Variants in TTC7B observed in about 807,000 individuals in gnomAD.
TTC7B encodes the protein tetratricopeptide repeat protein 7B.
In TTC7B, 28 loss-of-function variants were observed where a neutral mutation model predicts 106.8. The ratio of observed to expected loss-of-function variants is 0.26; its 90% CI spans 0.19 to 0.36. The LOEUF (loss-of-function observed/expected upper bound fraction) is 0.36, where lower values mean the gene tolerates loss of function less well. Ranked by LOEUF, TTC7B falls within the 10% of genes least tolerant of loss-of-function variation. TTC7B has a pLI of 1.00. For synonymous variants in TTC7B, 405 were observed against 430.6 expected (o/e 0.94, Z 0.74); for missense variants, 862 against 1,076.4 (o/e 0.80, Z 2.79).
At position 90,603,175 on chromosome 14, in the gene TTC7B, C is replaced by A. The variant is rs534163949; in HGVS notation, c.1966+7567G>T. Reference sequence around the variant, plus strand: ...CTCAGCATTCTCAGCACTCAACAACCACAATGCACATTCCGTGGTGGGGGG... The same window carrying A: ...CTCAGCATTCTCAGCACTCAACAACAACAATGCACATTCCGTGGTGGGGGG... On this transcript the variant is annotated intron_variant, in intron 17 of 19. Coordinates refer to ENST00000328459, the MANE Select transcript of TTC7B (RefSeq NM_001010854.2). The A allele has an allele frequency of 3.9e-6, 4 of 1,031,458 alleles. No individual in the cohort carries two copies. In the South Asian group the frequency reaches 4.1e-5, roughly 10 times the overall value. The allele number at this position is 1,031,458 out of a possible 1,614,324, so 63.9% of individuals were successfully genotyped here. A position where few individuals can be genotyped will look rare whatever the true frequency, so the allele number is the denominator to read the frequency against.
chr14:90,583,686 C>T (rs1353792556), intron 18 of TTC7B, among the ~76,000 whole-genome samples: 1 of 152,100 alleles, frequency 6.6e-6, no homozygotes, highest in Non-Finnish European at 1.5e-5. Flanking sequence ...TCTGTCCTGG[C>T]CGCTGGTGGC....
intron 5 of TTC7B, among the ~76,000 whole-genome samples, chr14:90,727,295 A>G (rs1365937261): frequency 2.0e-5 from 3 of 152,138 alleles, no homozygotes; most frequent in Non-Finnish European, 4.4e-5. Context: ...GACTCCATCC[A>G]CACCGAGCCA....
At chr14:90,598,339 C>A (rs1892296378) in intron 17 of TTC7B, among the ~76,000 whole-genome samples, 1 of 152,124 alleles carries the variant, frequency 6.6e-6, no homozygotes, top group Non-Finnish European at 1.5e-5. Flanking sequence ...CTTTCCTTGC[C>A]CTCCCACCTA....
intron 13 of TTC7B, among the ~76,000 whole-genome samples, chr14:90,651,519 G>A (rs1315613349): frequency 6.6e-6 from 1 of 152,238 alleles, no homozygotes; most frequent in Non-Finnish European, 1.5e-5. Flanking sequence ...GCTGATTTAA[G>A]AAAAGTGAAA....
At chr14:90,656,267 G>T (rs923974210) in intron 11 of TTC7B, among the ~76,000 whole-genome samples, 2 of 152,228 alleles carry the variant, frequency 1.3e-5, no homozygotes, top group African/African-American at 4.8e-5. Context: ...ACCTGAGTTT[G>T]TAAGATGCTT....
In TTC7B at chr14:90,541,193, C is replaced by A; in HGVS notation, c.*175G>T. The A allele has an allele frequency of 2.0e-6, 1 of 490,304 alleles. No individual in the cohort carries two copies. The allele number at this position is 490,304 out of a possible 1,614,324, so 30.4% of individuals were successfully genotyped here. On this transcript the variant is annotated 3_prime_UTR_variant, in exon 20 of 20. Transcript: ENST00000328459. ...GGGCTGGCAAAAAAAACAAGAGAAACGCACATGGCGAGAGCGATGATTCGG... is the reference window on the plus strand; with the variant it reads ...GGGCTGGCAAAAAAAACAAGAGAAAAGCACATGGCGAGAGCGATGATTCGG...
rs1889385719 is a variant in TTC7B, at chr14:90,535,100, G to T, written c.*6268C>A. On this transcript the variant is annotated 3_prime_UTR_variant, in exon 20 of 20. Coordinates refer to ENST00000328459, the MANE Select transcript of TTC7B (RefSeq NM_001010854.2). ...TTCCCTCCTTTCCCCACCGAGGGAG[G>T]TCCCCACGCAGCCCTGAGGGTGAGC... is the stretch of plus-strand genomic sequence containing the variant. The T allele has an allele frequency of 6.6e-6, 1 of 152,492 alleles. No individual in the cohort carries two copies. The highest frequency in any genetic ancestry group is 2.1e-4 in the South Asian group (1 of 4,816). The allele number at this position is 152,492 out of a possible 1,614,324, so 9.4% of individuals were successfully genotyped here.
rs76853564 is a variant in TTC7B at position 90,670,399 on chromosome 14, G to A, written c.1152+6124C>T. On this transcript the variant is annotated intron_variant, in intron 9 of 19. Coordinates refer to ENST00000328459, the MANE Select transcript of TTC7B (RefSeq NM_001010854.2). The stretch of plus-strand genomic sequence containing the variant: ...TGATGGGTACAGAATTTCTGTTTGG[G>A]ATGATGGAAAAATGTGGAAATAGAT... Among the ~76,000 whole-genome samples the A allele has an allele frequency of 7.3e-3, 1,116 of 152,270 alleles. 13 individuals carry two copies. Among genetic ancestry groups the A allele is most frequent in the African/African-American group, 0.025 (1,055 of 41,544 alleles).
chr14:90,652,363 T>C (rs1405971029), intron 13 of TTC7B, among the ~76,000 whole-genome samples: 1 of 151,262 alleles, frequency 6.6e-6, no homozygotes, highest in Non-Finnish European at 1.5e-5. Context: ...AAGCACAAGG[T>C]GTTATGGAAC....
intron 2 of TTC7B, 75 bp downstream of exon 2, chr14:90,786,099 G>C (rs1689248263): frequency 1.0e-5 from 15 of 1,445,732 alleles, no homozygotes; most frequent in Non-Finnish European, 1.2e-5. Flanking sequence ...ACGTCACCCG[G>C]CTCAACCCTG....
intron 5 of TTC7B, among the ~76,000 whole-genome samples, chr14:90,717,027 G>A (rs60080530): frequency 0.012 from 1,896 of 152,202 alleles, 36 homozygotes; most frequent in African/African-American, 0.043. Context: ...GAGGAAGGTG[G>A]AAAAAACAAA....
chr14:90,813,447 T>C (rs576703256), intron 1 of TTC7B, among the ~76,000 whole-genome samples: 3 of 152,172 alleles, frequency 2.0e-5, no homozygotes, highest in Non-Finnish European at 4.4e-5. Flanking sequence ...GAGCAGGTAC[T>C]CAATCTTTGT....
At chr14:90,798,301 G>A (rs1595043668) in intron 1 of TTC7B, among the ~76,000 whole-genome samples, 1 of 152,148 alleles carries the variant, frequency 6.6e-6, no homozygotes, top group South Asian at 2.1e-4. Context: ...GGCAAGCCCA[G>A]AATCATGAGA....
intron 3 of TTC7B, among the ~76,000 whole-genome samples, chr14:90,775,000 G>A (rs888729674): frequency 5.3e-5 from 8 of 151,290 alleles, no homozygotes; most frequent in East Asian, 1.9e-4. Flanking sequence ...CCGAGATTGC[G>A]CCACTGCACT....
At chr14:90,592,975 C>A (rs574396986) in intron 18 of TTC7B, among the ~76,000 whole-genome samples, 28 of 152,280 alleles carry the variant, frequency 1.8e-4, no homozygotes, top group African/African-American at 6.5e-4. Context: ...GTCCTTAACA[C>A]CTCCTGGCCC....
rs142576137 is a variant in TTC7B, at chr14:90,790,229, T to C, written c.122-3901A>G. Among the ~76,000 whole-genome samples, 246 of 152,254 alleles carry C rather than the reference T, an allele frequency of 1.6e-3. 1 individual carries two copies. The highest frequency in any genetic ancestry group is 5.8e-3 in the African/African-American group (240 of 41,560). ...CTGAATGATAAGATTTGGGATAATTTTTAAATTCTCATCTTTGTGGTTTAA... is the reference window on the plus strand; with the variant it reads ...CTGAATGATAAGATTTGGGATAATTCTTAAATTCTCATCTTTGTGGTTTAA... On this transcript the variant is annotated intron_variant, in intron 1 of 19. Transcript: ENST00000328459.
At chr14:90,797,078 C>T in intron 1 of TTC7B, among the ~76,000 whole-genome samples, 1 of 149,814 alleles carries the variant, frequency 6.7e-6, no homozygotes, top group Non-Finnish European at 1.5e-5. Flanking sequence ...CTCCTGGTGT[C>T]AAGTGATCTG....
chr14:90,695,930 C>A (rs991450847), intron 5 of TTC7B, among the ~76,000 whole-genome samples: 2 of 151,742 alleles, frequency 1.3e-5, no homozygotes, highest in Admixed American at 1.3e-4. Context: ...AGGTGGGAGA[C>A]AACACTGGGC....
chr14:90,785,257 C>T (rs1312361446), intron 2 of TTC7B, among the ~76,000 whole-genome samples: 1 of 151,992 alleles, frequency 6.6e-6, no homozygotes, highest in African/African-American at 2.4e-5. Flanking sequence ...AGCGTGCACA[C>T]ACAAACAAGA....
Sources: allele counts gnomAD v4.1 joint callset (sites outside exome capture counted in the v4.1 genomes callset), GRCh38; gene constraint gnomAD v4.1.1; transcripts MANE v1.5; gene names NCBI Gene and HGNC (gene_info 2026-07-23, HGNC 2026-07-21).